The following SND1 variants were observed in gnomAD, a reference collection of about 807,000 sequenced individuals.
SND1 encodes staphylococcal nuclease and tudor domain containing 1.
A neutral mutation model predicts 121.7 loss-of-function variants in SND1; 38 were observed. The observed-to-expected ratio is 0.31, with a 90% CI of 0.24 to 0.41. SND1 has a LOEUF of 0.41. Among genes scored for constraint, SND1 ranks in the 10% least tolerant of loss-of-function variants. The pLI is 1.00. For missense variants in SND1, 868 were observed against 1,184.6 expected, an observed-to-expected ratio of 0.73 and a Z score of 3.92; for synonymous variants, 401 against 447.4, an observed-to-expected ratio of 0.90 and a Z score of 1.31.
intron 11 of SND1, among the ~76,000 whole-genome samples, chr7:127,808,408 A>G (rs890476015): frequency 1.3e-5 from 2 of 151,286 alleles, no homozygotes; most frequent in African/African-American, 4.9e-5. Flanking sequence ...CAAGTGATCC[A>G]CCCGCCTCAG....
intron 14 of SND1, among the ~76,000 whole-genome samples, chr7:127,905,408 T>C (rs1800314855): frequency 6.6e-6 from 1 of 152,232 alleles, no homozygotes; most frequent in African/African-American, 2.4e-5. Context: ...TACCTTTGAA[T>C]GTTTAGGGTC....
At chr7:128,030,836 C>A in intron 16 of SND1, 1 of 611,806 alleles carries the variant, frequency 1.6e-6, no homozygotes, top group Admixed American at 3.5e-5. Flanking sequence ...TCTCCCAACC[C>A]ACCCTCAAGG....
Position 127,704,941 on chromosome 7 carries a change from G to A in SND1, c.943G>A (p.Glu315Lys). Residue 315 changes from glutamate (E) to lysine (K), a missense_variant, in exon 8 of 24, where the codon GAG becomes AAG. This residue lies in a region of SND1 where 743 missense variants were observed against 1,071.3 expected (regional missense o/e 0.69). Coordinates refer to ENST00000354725, the MANE Select transcript of SND1 (RefSeq NM_014390.4). ...GGGCGCAGAAAAGCTGAGGGCGGCAGAGAGGTAAGGTCTGTCCAAGAGGCC... is the reference window on the plus strand; with the variant it reads ...GGGCGCAGAAAAGCTGAGGGCGGCAAAGAGGTAAGGTCTGTCCAAGAGGCC... ...TRGAEKLRAA[E>K]RFAKERRLRI... 1.2e-6 allele frequency: 2 copies of A among 1,613,796 alleles called. No individual in the cohort carries two copies. Among genetic ancestry groups the A allele is most frequent in the Non-Finnish European group, 1.7e-6 (2 of 1,179,714 alleles).
chr7:127,708,594 C>T (rs540226405), intron 9 of SND1, among the ~76,000 whole-genome samples: 13 of 152,084 alleles, frequency 8.5e-5, no homozygotes, highest in South Asian at 6.2e-4. Flanking sequence ...CTTGGTTCCC[C>T]GCCCCACCGC....
intron 10 of SND1, among the ~76,000 whole-genome samples, chr7:127,756,228 T>C (rs1797192000): frequency 6.6e-6 from 1 of 152,214 alleles, no homozygotes; most frequent in Non-Finnish European, 1.5e-5. Flanking sequence ...GGGAGATGGA[T>C]TCTATTTTCA....
intron 10 of SND1, among the ~76,000 whole-genome samples, chr7:127,734,522 A>T (rs1036362182): frequency 8.5e-5 from 13 of 152,226 alleles, no homozygotes; most frequent in East Asian, 3.8e-4. Flanking sequence ...TGCAGGTTAA[A>T]GAACGTGCTT....
chr7:127,769,028 A>G (rs1013883367), intron 10 of SND1, among the ~76,000 whole-genome samples: 10 of 152,216 alleles, frequency 6.6e-5, no homozygotes, highest in Non-Finnish European at 1.2e-4. Context: ...AAATATGTGT[A>G]TATGGCAAAT....
intron 1 of SND1, among the ~76,000 whole-genome samples, chr7:127,666,205 G>A (rs1795415523): frequency 6.6e-6 from 1 of 152,216 alleles, no homozygotes; most frequent in South Asian, 2.1e-4. Flanking sequence ...TTCGGCCCCT[G>A]AACCGTAGCT....
intron 15 of SND1, among the ~76,000 whole-genome samples, chr7:127,953,124 A>G (rs1329022425): frequency 6.9e-6 from 1 of 145,688 alleles, no homozygotes. Context: ...TGGTCACTCC[A>G]CTGCACTCCA....
chr7:127,747,165 C>G (rs1194058654), intron 10 of SND1, among the ~76,000 whole-genome samples: 1 of 152,184 alleles, frequency 6.6e-6, no homozygotes, highest in African/African-American at 2.4e-5. Context: ...TGCAGGGCTA[C>G]TTTCCAGGTC....
At position 128,058,625 on chromosome 7, in the gene SND1, T is replaced by C. The variant is rs565192562; in HGVS notation, c.1780-15877T>C. On this transcript the variant is annotated intron_variant, in intron 16 of 23. Transcript: ENST00000354725. Reference sequence around the variant, plus strand: ...TATGCAGAGAAGGATTGAAAATTCATGCATCTGACCACATCTGGTAAAGGC... The same window carrying C: ...TATGCAGAGAAGGATTGAAAATTCACGCATCTGACCACATCTGGTAAAGGC... 5.3e-5 allele frequency among the ~76,000 whole-genome samples: 8 copies of C among 152,376 alleles called. No homozygotes were observed. The East Asian group carries it at 1.4e-3, about 26-fold the overall frequency.
At chr7:127,927,949 A>AG (rs1397655825) in intron 14 of SND1, 1 of 152,218 alleles carries the variant, frequency 6.6e-6, no homozygotes, top group African/African-American at 2.4e-5. Context: ...GGGAGTTTTC[A>AG]GTTCTGCTGG....
At chr7:128,067,107 G>A (rs1036872779) in intron 16 of SND1, among the ~76,000 whole-genome samples, 7 of 152,126 alleles carry the variant, frequency 4.6e-5, no homozygotes, top group Non-Finnish European at 1.0e-4. Context: ...CAGTCTGTCA[G>A]CTTTGCTGCC....
chr7:127,713,704 G>A (rs1008112036), intron 9 of SND1, among the ~76,000 whole-genome samples: 1 of 152,230 alleles, frequency 6.6e-6, no homozygotes, highest in African/African-American at 2.4e-5. Context: ...AGGTCAGAGT[G>A]CCAAGAGGCT....
intron 17 of SND1, among the ~76,000 whole-genome samples, chr7:128,080,808 T>G (rs1195850688): frequency 6.6e-6 from 1 of 152,102 alleles, no homozygotes; most frequent in African/African-American, 2.4e-5. Flanking sequence ...GCCTGCATTT[T>G]TAATAAATTC....
chr7:127,869,918 T>A (rs1056247162), intron 12 of SND1, among the ~76,000 whole-genome samples: 9 of 152,174 alleles, frequency 5.9e-5, no homozygotes, highest in African/African-American at 2.2e-4. Context: ...TTCTGTGAGA[T>A]GGGCTTTTTA....
chr7:127,866,627 C>T (rs920168246), intron 12 of SND1, among the ~76,000 whole-genome samples: 2 of 152,084 alleles, frequency 1.3e-5, no homozygotes, highest in African/African-American at 4.8e-5. Context: ...AGGTTTTCCC[C>T]CTCTTCAAAT....
intron 12 of SND1, among the ~76,000 whole-genome samples, chr7:127,881,510 A>G (rs1233317917): frequency 1.3e-5 from 2 of 152,148 alleles, no homozygotes. Context: ...GGCACCAAAT[A>G]TTCAAAGTCA....
intron 16 of SND1, among the ~76,000 whole-genome samples, chr7:128,054,536 GT>G (rs1448527106): frequency 6.6e-6 from 1 of 152,196 alleles, no homozygotes; most frequent in Non-Finnish European, 1.5e-5. Flanking sequence ...TTGCACGGAG[GT>G]TGGCATTAGC....
Sources: gnomAD v4.1 joint callset for allele counts (sites outside exome capture counted in the v4.1 genomes callset) on GRCh38, gnomAD v4.1.1 for gene constraint, gnomAD v4.1.1 regional missense constraint, MANE v1.5 for transcripts, NCBI Gene and HGNC (gene_info 2026-07-23, HGNC 2026-07-21) for gene names.